CACNA2D1: variants seen among roughly 807,000 people sequenced by gnomAD.
CACNA2D1 encodes voltage-dependent calcium channel subunit alpha-2/delta-1.
A neutral mutation model predicts 171.5 loss-of-function variants in CACNA2D1; 53 were observed. The ratio of observed to expected loss-of-function variants is 0.31; its 90% confidence interval spans 0.25 to 0.39. The LOEUF (loss-of-function observed/expected upper bound fraction) is 0.39, where lower values mean the gene tolerates loss of function less well. CACNA2D1 is among the 10% of genes least tolerant of loss of function. The pLI is 1.00. For missense variants in CACNA2D1, 903 were observed against 1,299.8 expected, an observed-to-expected ratio of 0.69 and a Z score of 4.69; for synonymous variants, 442 against 443.1, an observed-to-expected ratio of 1.00 and a Z score of 0.03.
intron 18 of CACNA2D1, among the ~76,000 whole-genome samples, chr7:82,004,339 C>A (rs989117526): frequency 2.6e-5 from 4 of 151,798 alleles, no homozygotes; most frequent in Non-Finnish European, 4.4e-5. Context: ...CTAGGGTGAT[C>A]AACAGCTACA....
chr7:82,330,455 CTGT>C (rs1817176169), intron 3 of CACNA2D1, among the ~76,000 whole-genome samples: 1 of 152,032 alleles, frequency 6.6e-6, no homozygotes, highest in African/African-American at 2.4e-5. Context: ...TTATCAAAGA[CTGT>C]TAAGTAATTT....
At chr7:81,978,753 G>GTGCGTGTATA (rs145105210) in intron 24 of CACNA2D1, among the ~76,000 whole-genome samples, 5 of 139,474 alleles carry the variant, frequency 3.6e-5, no homozygotes, top group Admixed American at 1.4e-4. Context: ...TTTAAAAAGT[G>GTGCGTGTATA]TATATATATA....
intron 1 of CACNA2D1, among the ~76,000 whole-genome samples, chr7:82,427,819 C>A (rs1829322144): frequency 6.6e-6 from 1 of 152,104 alleles, no homozygotes; most frequent in African/African-American, 2.4e-5. Context: ...AGTTATGAAC[C>A]ATTTTGAGGA....
chr7:82,251,636 C>T (rs1308066616), intron 3 of CACNA2D1, among the ~76,000 whole-genome samples: 2 of 152,208 alleles, frequency 1.3e-5, no homozygotes, highest in South Asian at 2.1e-4. Flanking sequence ...TTTTCCGTTG[C>T]TTTTCTAGGT....
chr7:82,273,631 G>A (rs1053996479), intron 3 of CACNA2D1, among the ~76,000 whole-genome samples: 1 of 152,072 alleles, frequency 6.6e-6, no homozygotes, highest in Non-Finnish European at 1.5e-5. Context: ...TTGACCACAG[G>A]AGCACCCTAC....
chr7:81,951,978 T>TTTTTTTTTTTTTTTTTTGTTTTTTTG (rs1792625702), intron 38 of CACNA2D1, among the ~76,000 whole-genome samples: 1 of 148,938 alleles, frequency 6.7e-6, no homozygotes, highest in Non-Finnish European at 1.5e-5. Context: ...TGTTTTTTTT[T>TTTTTTTTTTTTTTTTTTGTTTTTTTG]TTTTTTTTTT....
At chr7:81,986,600 T>C (rs1023736787) in intron 21 of CACNA2D1, among the ~76,000 whole-genome samples, 2 of 152,200 alleles carry the variant, frequency 1.3e-5, no homozygotes, top group Non-Finnish European at 2.9e-5. Flanking sequence ...TGCTAAAATT[T>C]AATTATACAA....
Position 82,321,292 on chromosome 7 carries a change from G to A in CACNA2D1, c.294+13843C>T, listed in dbSNP as rs146646153. Among the ~76,000 whole-genome samples, 1,171 of 152,096 alleles carry A rather than the reference G, an allele frequency of 7.7e-3. 20 individuals carry two copies. The highest frequency in any genetic ancestry group is 0.026 in the African/African-American group (1,061 of 41,468). On this transcript the variant is annotated intron_variant, in intron 3 of 38. Transcript: ENST00000356860. ...TGCGCGCTTGTAACCCCAGGTACTC[G>A]GGAGGCTAAGGCAGAAGAATAGCTT... is the stretch of plus-strand genomic sequence containing the variant.
chr7:82,438,172 G>C (rs956812919), intron 1 of CACNA2D1, among the ~76,000 whole-genome samples: 2 of 152,102 alleles, frequency 1.3e-5, no homozygotes, highest in African/African-American at 4.8e-5. Flanking sequence ...ATTCTTAAAT[G>C]CTGGTGTTAT....
intron 1 of CACNA2D1, among the ~76,000 whole-genome samples, chr7:82,399,920 A>G (rs767115851): frequency 6.6e-6 from 1 of 152,128 alleles, no homozygotes; most frequent in Non-Finnish European, 1.5e-5. Flanking sequence ...AGCATCACAC[A>G]TTCATTTATT....
At chr7:82,430,523 A>C (rs1484561871) in intron 1 of CACNA2D1, among the ~76,000 whole-genome samples, 1 of 152,132 alleles carries the variant, frequency 6.6e-6, no homozygotes, top group Non-Finnish European at 1.5e-5. Context: ...TGTATTGGTT[A>C]ATCTAAAACA....
chr7:82,303,842 C>T (rs1025448841), intron 3 of CACNA2D1, among the ~76,000 whole-genome samples: 2 of 151,926 alleles, frequency 1.3e-5, no homozygotes, highest in African/African-American at 2.4e-5. Context: ...AAAACACAGG[C>T]AACAAAAACA....
At position 82,220,838 on chromosome 7, in the gene CACNA2D1, G is replaced by C. The variant is rs367638469; in HGVS notation, c.295-50229C>G. Among the ~76,000 whole-genome samples the C allele has an allele frequency of 3.7e-3, 549 of 149,452 alleles. 6 individuals carry two copies. The highest frequency in any genetic ancestry group is 0.013 in the African/African-American group (524 of 40,542). On this transcript the variant is annotated intron_variant, in intron 3 of 38. Transcript: ENST00000356860. ...CTGTCACCGATGCTGCAGTGTAGTG[G>C]CAAGATCTTGGCTCACTGCAACCTC...
chr7:82,167,799 C>G (rs954354729), intron 4 of CACNA2D1, among the ~76,000 whole-genome samples: 3 of 152,066 alleles, frequency 2.0e-5, no homozygotes, highest in South Asian at 2.1e-4. Flanking sequence ...AGTATGTCAA[C>G]AGGCCCTAAA....
At chr7:82,043,705 T>A (rs965387604) in intron 10 of CACNA2D1, among the ~76,000 whole-genome samples, 2 of 152,210 alleles carry the variant, frequency 1.3e-5, no homozygotes, top group Non-Finnish European at 2.9e-5. Context: ...CTGCTGAATA[T>A]GAAATCATTC....
intron 3 of CACNA2D1, among the ~76,000 whole-genome samples, chr7:82,297,181 G>T (rs1254644650): frequency 6.6e-6 from 1 of 151,856 alleles, no homozygotes; most frequent in African/African-American, 2.4e-5. Flanking sequence ...AGCCCAGGAG[G>T]CTGAGGCTGC....
chr7:82,163,295 T>C (rs1018157960), intron 4 of CACNA2D1, among the ~76,000 whole-genome samples: 1 of 152,074 alleles, frequency 6.6e-6, no homozygotes, highest in Non-Finnish European at 1.5e-5. Context: ...TTATCTCATT[T>C]AATTTAAAAA....
At chr7:82,065,235 C>G (rs1404331884) in intron 8 of CACNA2D1, among the ~76,000 whole-genome samples, 1 of 152,144 alleles carries the variant, frequency 6.6e-6, no homozygotes, top group Non-Finnish European at 1.5e-5. Flanking sequence ...GTTGAGGAAG[C>G]AGTTGGAGTT....
At position 81,965,684 on chromosome 7, in the gene CACNA2D1, C is replaced by T. The variant is rs767195311; in HGVS notation, c.2503-19G>A. ...CCATTACCTATCAAAATAAAGTGAACAGTTAACACATTTTTAGAAAGGTTA... is the reference window on the plus strand; with the variant it reads ...CCATTACCTATCAAAATAAAGTGAATAGTTAACACATTTTTAGAAAGGTTA... On this transcript the variant is annotated intron_variant, in intron 31 of 38. Transcript: ENST00000356860. 8 of 1,469,588 alleles carry T rather than the reference C, an allele frequency of 5.4e-6. No homozygotes were observed. The South Asian group carries it at 9.1e-5, about 17-fold the overall frequency. The allele number at this position is 1,469,588 out of a possible 1,614,324, so 91.0% of individuals were successfully genotyped here.
Sources: allele counts gnomAD v4.1 joint callset (sites outside exome capture counted in the v4.1 genomes callset), GRCh38; gene constraint gnomAD v4.1.1; transcripts MANE v1.5; gene names NCBI Gene and HGNC (gene_info 2026-07-23, HGNC 2026-07-21).